Variants in CNOT6 observed in about 807,000 individuals in gnomAD.
CNOT6 encodes CCR4-NOT transcription complex subunit 6.
A neutral mutation model predicts 61.2 loss-of-function variants in CNOT6; 12 were observed. That is an observed-to-expected ratio of 0.20 (90% confidence interval 0.13 to 0.32). The LOEUF (loss-of-function observed/expected upper bound fraction) is 0.32. Ranked by LOEUF, CNOT6 falls within the 10% of genes least tolerant of loss-of-function variation. The probability of loss-of-function intolerance (pLI) is 1.00; values close to 1 mark genes in which losing one functional copy is unlikely to be tolerated. For missense variants in CNOT6, 405 were observed against 663.9 expected (o/e 0.61, Z 4.28); for synonymous variants, 225 against 240.6 (o/e 0.94, Z 0.60).
chr5:180,562,726 C>T (rs913964689), intron 4 of CNOT6, among the ~76,000 whole-genome samples: 12 of 151,552 alleles, frequency 7.9e-5, no homozygotes, highest in African/African-American at 1.2e-4. Context: ...GGCAACAGAG[C>T]GAGACTCCAT....
chr5:180,530,914 C>T (rs1263057919), intron 2 of CNOT6, among the ~76,000 whole-genome samples: 2 of 152,228 alleles, frequency 1.3e-5, no homozygotes, highest in Non-Finnish European at 2.9e-5. Context: ...CATCCCAAGG[C>T]AGAAGAATTT....
chr5:180,517,784 C>T (rs1259197524), intron 1 of CNOT6, among the ~76,000 whole-genome samples: 2 of 81,670 alleles, frequency 2.4e-5, no homozygotes, highest in African/African-American at 6.8e-5. Context: ...CCTCGTGATC[C>T]GCCCGCCTCG....
chr5:180,515,175 C>T (rs1419622796), intron 1 of CNOT6, among the ~76,000 whole-genome samples: 2 of 151,476 alleles, frequency 1.3e-5, no homozygotes, highest in Admixed American at 6.6e-5. Context: ...CCCAGCACTT[C>T]GGGAGGTCGA....
At chr5:180,515,022 G>C (rs1163342125) in intron 1 of CNOT6, among the ~76,000 whole-genome samples, 1 of 152,106 alleles carries the variant, frequency 6.6e-6, no homozygotes, top group Non-Finnish European at 1.5e-5. Flanking sequence ...TGTTGAGGAG[G>C]GCTTACAGAG....
At chr5:180,547,582 G>A (rs575449199) in intron 2 of CNOT6, among the ~76,000 whole-genome samples, 3 of 152,176 alleles carry the variant, frequency 2.0e-5, no homozygotes, top group South Asian at 2.1e-4. Flanking sequence ...TTTACAGCTG[G>A]GAGTCTGCTG....
chr5:180,508,902 A>G (rs1440361957), intron 1 of CNOT6, among the ~76,000 whole-genome samples: 1 of 150,892 alleles, frequency 6.6e-6, no homozygotes, highest in Non-Finnish European at 1.5e-5. Context: ...GGCTCGCTGC[A>G]ACTCTCACCT....
At chr5:180,565,743 G>A in intron 6 of CNOT6, 77 bp from the exon 7 acceptor site, 1 of 1,354,324 alleles carries the variant, frequency 7.4e-7, no homozygotes, top group Non-Finnish European at 1.0e-6. Flanking sequence ...TAACATTTAA[G>A]TGAAAACCAT....
intron 2 of CNOT6, among the ~76,000 whole-genome samples, chr5:180,539,713 C>G (rs1758929177): frequency 6.6e-6 from 1 of 150,922 alleles, no homozygotes; most frequent in African/African-American, 2.4e-5. Flanking sequence ...CCTCAGCCTC[C>G]CGAGTAGCTG....
intron 2 of CNOT6, among the ~76,000 whole-genome samples, chr5:180,537,646 A>G (rs1581520364): frequency 6.6e-6 from 1 of 152,160 alleles, no homozygotes; most frequent in Non-Finnish European, 1.5e-5. Context: ...TTTAGTCTAT[A>G]TATCAAATTA....
intron 2 of CNOT6, among the ~76,000 whole-genome samples, chr5:180,548,771 CTTGG>C (rs1201657374): frequency 6.6e-6 from 1 of 152,128 alleles, no homozygotes; most frequent in Non-Finnish European, 1.5e-5. Context: ...TTACTCTTAT[CTTGG>C]TTGGAAGTCT....
At chr5:180,535,782 A>C (rs917838657) in intron 2 of CNOT6, among the ~76,000 whole-genome samples, 4 of 152,128 alleles carry the variant, frequency 2.6e-5, no homozygotes, top group Admixed American at 1.3e-4. Flanking sequence ...ACAGTGTTCA[A>C]GCGTTCCTTT....
At chr5:180,566,976 A>T in intron 7 of CNOT6, 112 bp from the exon 8 acceptor site, 1 of 1,034,736 alleles carries the variant, frequency 9.7e-7, no homozygotes, top group Non-Finnish European at 1.4e-6. Context: ...ACATTCTTTA[A>T]TCTGCAGACC....
At position 180,567,257 on chromosome 5, in the gene CNOT6, T is replaced by G. The variant is rs1040241199; in HGVS notation, c.872+15T>G. 6 of 1,592,752 alleles carry G rather than the reference T, an allele frequency of 3.8e-6. No homozygotes were observed. The African/African-American group carries it at 4.1e-5, about 11-fold the overall frequency. ...AAGACAGAAAAGTAAGTCATCTTAT[T>G]TTTTAAAAAGAACGTTTTCTCAGTA... On this transcript the variant is annotated intron_variant, in intron 8 of 11. Transcript: ENST00000261951.
At chr5:180,525,823 G>A (rs1013579528) in intron 1 of CNOT6, among the ~76,000 whole-genome samples, 4 of 152,160 alleles carry the variant, frequency 2.6e-5, no homozygotes, top group Admixed American at 6.5e-5. Flanking sequence ...GTTTCTAGGC[G>A]GGGGCGATCA....
chr5:180,564,715 A>G lies in CNOT6; in HGVS notation c.531A>G (p.Leu177=), dbSNP rs751209644. The change falls in exon 6 of 12, where the codon TTA becomes TTG. Residue 177 remains leucine, a synonymous_variant. Coordinates refer to ENST00000261951, the MANE Select transcript of CNOT6 (RefSeq NM_001370472.1). ...EQPPPRSWIM[L]QEPDRTRPTA... is the part of the protein sequence containing the mutation. Reference sequence around the variant, plus strand: ...CACCTCCAAGGTCTTGGATTATGTTACAAGAACCAGATAGGACAAGGCCAA... The same window carrying G: ...CACCTCCAAGGTCTTGGATTATGTTGCAAGAACCAGATAGGACAAGGCCAA... The G allele has an allele frequency of 9.3e-6, 15 of 1,614,052 alleles. No individual in the cohort carries two copies. Among genetic ancestry groups the G allele is most frequent in the Non-Finnish European group, 1.0e-5 (12 of 1,179,872 alleles).
intron 2 of CNOT6, among the ~76,000 whole-genome samples, chr5:180,543,294 C>T (rs1359023980): frequency 3.3e-5 from 5 of 152,022 alleles, no homozygotes; most frequent in South Asian, 2.1e-4. Flanking sequence ...CTCCTGACCT[C>T]GTGGTACACC....
intron 4 of CNOT6, among the ~76,000 whole-genome samples, chr5:180,555,798 C>T (rs766897999): frequency 5.9e-5 from 9 of 152,250 alleles, no homozygotes; most frequent in Admixed American, 2.6e-4. Flanking sequence ...TGCTATTATA[C>T]GTCATACATT....
chr5:180,572,204 C>T (rs181389512), intron 11 of CNOT6, among the ~76,000 whole-genome samples: 2 of 151,912 alleles, frequency 1.3e-5, no homozygotes, highest in African/African-American at 4.8e-5. Context: ...CTTTTTTCTC[C>T]CCCTAGAGAC....
At chr5:180,562,809 C>T (rs1327707112) in intron 4 of CNOT6, among the ~76,000 whole-genome samples, 1 of 152,014 alleles carries the variant, frequency 6.6e-6, no homozygotes, top group Non-Finnish European at 1.5e-5. Context: ...TACCTGATAC[C>T]GAGAAGTTTT....
Sources: allele counts gnomAD v4.1 joint callset (sites outside exome capture counted in the v4.1 genomes callset), GRCh38; gene constraint gnomAD v4.1.1; transcripts MANE v1.5; gene names NCBI Gene and HGNC (gene_info 2026-07-23, HGNC 2026-07-21).